Variants in FAM118B observed in about 807,000 individuals in gnomAD.
The protein encoded by FAM118B is protein FAM118B.
In FAM118B, 24 loss-of-function variants were observed where a neutral mutation model predicts 38.5. The observed-to-expected ratio is 0.62, with a 90% CI of 0.45 to 0.88. FAM118B has a LOEUF of 0.88. FAM118B is among the 40% of genes least tolerant of loss of function. The pLI is 0.00. For missense variants in FAM118B, 334 were observed against 420.0 expected, an observed-to-expected ratio of 0.80 and a Z score of 1.79; for synonymous variants, 138 against 156.3, an observed-to-expected ratio of 0.88 and a Z score of 0.87.
intron 4 of FAM118B, among the ~76,000 whole-genome samples, chr11:126,248,638 G>A (rs1016252987): frequency 6.6e-6 from 1 of 152,082 alleles, no homozygotes; most frequent in African/African-American, 2.4e-5. Context: ...CCAAAGTGCT[G>A]GGATTACAGG....
chr11:126,259,550 T>C (rs1342452019), intron 7 of FAM118B, among the ~76,000 whole-genome samples: 3 of 146,334 alleles, frequency 2.1e-5, no homozygotes, highest in African/African-American at 7.6e-5. Flanking sequence ...CTCAGCCTCC[T>C]GAGTGGCTGG....
At chr11:126,218,144 T>G (rs1477709454) in intron 1 of FAM118B, among the ~76,000 whole-genome samples, 1 of 152,252 alleles carries the variant, frequency 6.6e-6, no homozygotes, top group African/African-American at 2.4e-5. Flanking sequence ...TAATTTTTCT[T>G]TGATACCTTT....
chr11:126,242,039 A>T (rs1950366472), intron 4 of FAM118B, among the ~76,000 whole-genome samples: 2 of 151,898 alleles, frequency 1.3e-5, no homozygotes. Flanking sequence ...AAAAAAAAAA[A>T]AAAAGGAATT....
chr11:126,255,502 C>A lies in FAM118B; in HGVS notation c.697-1065C>A, dbSNP rs185575303. On this transcript the variant is annotated intron_variant, in intron 6 of 8. Transcript: ENST00000533050. The surrounding 1 kb of genome is among the most constrained non-coding windows in gnomAD (Gnocchi z 4.6). ...GTGTGTATATGTATACACACACACA[C>A]ACATACTGATGTTCTAAGTATCAAA... Among the ~76,000 whole-genome samples the A allele has an allele frequency of 5.9e-5, 9 of 152,274 alleles. No homozygotes were observed. Among genetic ancestry groups the A allele is most frequent in the Admixed American group, 2.6e-4 (4 of 15,296 alleles).
At position 126,240,939 on chromosome 11, in the gene FAM118B, T is replaced by G; in HGVS notation, c.234T>G (p.Asp78Glu). The G allele has an allele frequency of 6.2e-7, 1 of 1,614,138 alleles. No individual in the cohort carries two copies. The highest frequency in any genetic ancestry group is 8.5e-7 in the Non-Finnish European group (1 of 1,180,020). Residue 78 changes from aspartate to glutamate, a missense_variant, in exon 4 of 9, where the codon GAT (aspartate) becomes GAG (glutamate). Around this residue, in one of 3 missense-constraint regions of FAM118B, gnomAD observed 240 missense variants for 295.9 expected, o/e 0.81. Transcript: ENST00000533050. The part of the protein sequence containing the change: ...LIQALLDAAI[D>E]FDLLEDEESK... ...AGGCCTTACTGGATGCTGCCATTGA[T>G]TTTGATCTTTTAGAAGATGAGGAGA...
intron 1 of FAM118B, among the ~76,000 whole-genome samples, 162 bp from the exon 2 acceptor site, chr11:126,229,063 A>G (rs1950177568): frequency 2.0e-5 from 3 of 152,208 alleles, no homozygotes; most frequent in Admixed American, 6.5e-5. Context: ...TAGAGTCCTT[A>G]AAGAGTTATC....
intron 1 of FAM118B, among the ~76,000 whole-genome samples, chr11:126,219,349 C>CTTTTTTTTTTTTTTTTTTTTTTTTTT (rs549922825): frequency 2.0e-4 from 9 of 44,466 alleles, no homozygotes; most frequent in Non-Finnish European, 3.1e-4. Context: ...TCTTGTTTAT[C>CTTTTTTTTTTTTTTTTTTTTTTTTTT]TTTTTTTTTT....
rs562655176 is a variant in FAM118B at position 126,236,120 on chromosome 11, T to C, written c.86+1033T>C. 3.3e-5 allele frequency among the ~76,000 whole-genome samples: 5 copies of C among 152,330 alleles called. No individual in the cohort carries two copies. In the East Asian group the frequency reaches 9.6e-4, roughly 29 times the overall value. On this transcript the variant is annotated intron_variant, in intron 3 of 8. Transcript: ENST00000533050. The stretch of plus-strand genomic sequence containing the variant: ...CTCCAGTCCTGTTGCGTTCCTGATA[T>C]TTGCTATTTCCCATTCCCATCATCC...
Position 126,250,830 on chromosome 11 carries a change from C to A in FAM118B, c.567+97C>A. 1 of 957,518 alleles carries A rather than the reference C, an allele frequency of 1.0e-6. No individual in the cohort carries two copies. The highest frequency in any genetic ancestry group is 2.7e-5 in the East Asian group (1 of 36,986). The allele number at this position is 957,518 out of a possible 1,614,324, so 59.3% of individuals were successfully genotyped here. The stretch of plus-strand genomic sequence containing the variant: ...TTGGTATATTGGTATTTATGTAGAG[C>A]TAGAAAGGAAAAATTTTTTCCCTGG... On this transcript the variant is annotated intron_variant, in intron 5 of 8. Transcript: ENST00000533050. This position sits in a 1 kb window ranked among gnomAD's most constrained non-coding sequence, Gnocchi z 5.1.
chr11:126,262,495 G>A lies in FAM118B; in HGVS notation c.*362G>A. The A allele has an allele frequency of 3.3e-6, 1 of 302,512 alleles. No homozygotes were observed. Among genetic ancestry groups the A allele is most frequent in the Non-Finnish European group, 6.1e-6 (1 of 163,694 alleles). The allele number at this position is 302,512 out of a possible 1,614,324, so 18.7% of individuals were successfully genotyped here. ...GGGGTCTGGATGCCATGGAATCACTGTGGCTCTTGTTGCAGTTTTGTACTC... is the reference window on the plus strand; with the variant it reads ...GGGGTCTGGATGCCATGGAATCACTATGGCTCTTGTTGCAGTTTTGTACTC... On this transcript the variant is annotated 3_prime_UTR_variant, in exon 9 of 9. Transcript: ENST00000533050.
At chr11:126,246,306 A>C (rs770522702) in intron 4 of FAM118B, among the ~76,000 whole-genome samples, 1 of 152,220 alleles carries the variant, frequency 6.6e-6, no homozygotes. Flanking sequence ...GTACTATGGC[A>C]GGGTTAACAG....
At chr11:126,260,335 G>A (rs1950662724) in intron 7 of FAM118B, 1 of 151,628 alleles carries the variant, frequency 6.6e-6, no homozygotes, top group African/African-American at 2.4e-5. Context: ...ACCTGGCCTT[G>A]GCACATTTCT....
chr11:126,241,975 C>T (rs1332986303), intron 4 of FAM118B, among the ~76,000 whole-genome samples: 5 of 141,840 alleles, frequency 3.5e-5, no homozygotes, highest in Non-Finnish European at 7.5e-5. Context: ...CACTGAGTTG[C>T]GGTCGCGCCA....
intron 2 of FAM118B, among the ~76,000 whole-genome samples, chr11:126,233,881 G>C (rs1459580077): frequency 1.3e-5 from 2 of 152,148 alleles, no homozygotes; most frequent in Non-Finnish European, 2.9e-5. Flanking sequence ...TCAGGAGTTA[G>C]AGACCAGCTG....
intron 2 of FAM118B, among the ~76,000 whole-genome samples, chr11:126,232,328 G>C (rs968875089): frequency 6.6e-6 from 1 of 152,176 alleles, no homozygotes; most frequent in Non-Finnish European, 1.5e-5. Flanking sequence ...GTACTACCAA[G>C]TACCCGATCT....
chr11:126,225,539 T>G (rs771704866), intron 1 of FAM118B, among the ~76,000 whole-genome samples: 1 of 152,222 alleles, frequency 6.6e-6, no homozygotes, highest in Non-Finnish European at 1.5e-5. Flanking sequence ...GCTAATCCTT[T>G]CCCATGTTGT....
chr11:126,246,875 T>C (rs1044287530), intron 4 of FAM118B, among the ~76,000 whole-genome samples: 2 of 152,194 alleles, frequency 1.3e-5, no homozygotes, highest in African/African-American at 4.8e-5. Flanking sequence ...CCTGTTTATG[T>C]TTTCATTCCT....
intron 3 of FAM118B, among the ~76,000 whole-genome samples, chr11:126,238,669 C>A (rs1950313366): frequency 6.6e-6 from 1 of 152,190 alleles, no homozygotes; most frequent in Non-Finnish European, 1.5e-5. Flanking sequence ...AGGGAAACCT[C>A]TAGCCTGCTG....
At chr11:126,218,273 C>T (rs1393320700) in intron 1 of FAM118B, among the ~76,000 whole-genome samples, 1 of 152,216 alleles carries the variant, frequency 6.6e-6, no homozygotes, top group Admixed American at 6.5e-5. Context: ...GCCTTTGCAC[C>T]TGTGCCTCTG....
Sources: allele counts gnomAD v4.1 joint callset (sites outside exome capture counted in the v4.1 genomes callset), GRCh38; gene constraint gnomAD v4.1.1; regional missense constraint gnomAD v4.1.1; non-coding constraint Gnocchi (gnomAD v3.1); transcripts MANE v1.5; gene names NCBI Gene and HGNC (gene_info 2026-07-23, HGNC 2026-07-21).